Variants in NF2 observed in about 807,000 individuals in gnomAD.
NF2 encodes NF2, moesin-ezrin-radixin like (MERLIN) tumor suppressor, also known as merlin.
In NF2, 8 loss-of-function variants were observed where a neutral mutation model predicts 83.7. The observed-to-expected ratio is 0.10, with a 90% CI of 0.06 to 0.17. The LOEUF is 0.17. NF2 is among the 10% of genes least tolerant of loss of function. The pLI, the probability that NF2 is intolerant of heterozygous loss-of-function variation, is 1.00. For missense variants in NF2, 533 were observed against 744.4 expected (o/e 0.72, Z 3.31); for synonymous variants, 266 against 269.6 (o/e 0.99, Z 0.13).
At chr22:29,606,259 T>G (rs1397803864) in intron 1 of NF2, among the ~76,000 whole-genome samples, 2 of 152,208 alleles carry the variant, frequency 1.3e-5, no homozygotes, top group African/African-American at 4.8e-5. Flanking sequence ...CTGCGAAAAG[T>G]TGGAGCTCCC....
At chr22:29,688,875 C>T (rs772353099) in intron 15 of NF2, among the ~76,000 whole-genome samples, 5 of 152,198 alleles carry the variant, frequency 3.3e-5, no homozygotes, top group Non-Finnish European at 5.9e-5. Flanking sequence ...TGTCCCTAGC[C>T]AGACTGCAGA....
intron 14 of NF2, 140 bp from the exon 15 acceptor site, chr22:29,681,299 C>A: frequency 1.1e-6 from 1 of 938,222 alleles, no homozygotes; most frequent in Non-Finnish European, 1.7e-6. Flanking sequence ...CTCCCATGGC[C>A]TGTGAGTGGC....
chr22:29,634,553 C>T (rs1008017390), intron 1 of NF2, among the ~76,000 whole-genome samples: 2 of 152,204 alleles, frequency 1.3e-5, no homozygotes, highest in African/African-American at 4.8e-5. Flanking sequence ...TGCCAAAGCC[C>T]AGCCCAGCCA....
chr22:29,654,176 AT>A (rs2066233493), intron 4 of NF2, among the ~76,000 whole-genome samples: 1 of 152,142 alleles, frequency 6.6e-6, no homozygotes, highest in African/African-American at 2.4e-5. Flanking sequence ...TTTCCAAAGT[AT>A]TTTTCAGAAA....
At chr22:29,668,637 C>T (rs570265048) in intron 10 of NF2, among the ~76,000 whole-genome samples, 191 bp downstream of exon 10, 8 of 152,176 alleles carry the variant, frequency 5.3e-5, no homozygotes, top group African/African-American at 1.4e-4. Context: ...GGAATAAACC[C>T]TAATAGCATA....
intron 4 of NF2, among the ~76,000 whole-genome samples, chr22:29,643,421 GGCAGAGGACCCTGCGGACTTC>G (rs1387058088): frequency 6.6e-6 from 1 of 152,098 alleles, no homozygotes; most frequent in Non-Finnish European, 1.5e-5. Flanking sequence ...GGTTTTCCTA[GGCAGAGGACCCTGCGGACTTC>G]CGCAGCGTTT....
chr22:29,682,377 C>G (rs2067161413), intron 15 of NF2, among the ~76,000 whole-genome samples: 1 of 152,140 alleles, frequency 6.6e-6, no homozygotes, highest in Admixed American at 6.5e-5. Context: ...TTACCTCAGT[C>G]TTTAAAATAG....
chr22:29,657,587 G>A (rs2066350265), intron 6 of NF2, among the ~76,000 whole-genome samples: 1 of 152,210 alleles, frequency 6.6e-6, no homozygotes, highest in Admixed American at 6.5e-5. Context: ...AGGTCATAGG[G>A]AGACTTGAGT....
In NF2 at chr22:29,655,474, G is replaced by GTGTA. The variant is rs1302043402; in HGVS notation, c.517-119_517-116dup. On this transcript the variant is annotated intron_variant, in intron 5 of 15. Transcript: ENST00000338641. ...TCTCTCTGTGTGACTATCTCCCTGG[G>GTGTA]TGTAGCTTTTTAAAAATAGCTTTAC... 3.9e-6 allele frequency: 3 copies of GTGTA among 769,722 alleles called. No homozygotes were observed. The East Asian group carries it at 7.9e-5, about 20-fold the overall frequency. 47.7% of individuals were successfully genotyped at this position (769,722 alleles called of 1,614,324 possible).
chr22:29,691,700 G>A (rs2067409537), intron 15 of NF2, among the ~76,000 whole-genome samples: 1 of 152,214 alleles, frequency 6.6e-6, no homozygotes. Flanking sequence ...CACAGGTGAG[G>A]AGCCTGCCCA....
chr22:29,608,246 A>T (rs937830730), intron 1 of NF2, among the ~76,000 whole-genome samples: 1 of 151,302 alleles, frequency 6.6e-6, no homozygotes, highest in Non-Finnish European at 1.5e-5. Context: ...GGACTCAATA[A>T]CAGATTTGAA....
intron 1 of NF2, among the ~76,000 whole-genome samples, chr22:29,615,632 G>A (rs1226104746): frequency 1.3e-5 from 2 of 152,146 alleles, no homozygotes; most frequent in Non-Finnish European, 2.9e-5. Flanking sequence ...CTACTTGAGA[G>A]GCCAAGGTGG....
In NF2 at chr22:29,604,010, C is replaced by T. The variant is rs144477078; in HGVS notation, c.12C>T (p.Ala4=). The change falls in exon 1 of 16, where the codon GCC becomes GCT. Residue 4 remains alanine, a synonymous_variant. Transcript: ENST00000338641. The part of the protein sequence containing the change: MAG[A]IASRMSFSSL... ...CTGAGCCCCGCGCCATGGCCGGGGC[C>T]ATCGCTTCCCGCATGAGCTTCAGCT... 302 of 1,587,174 alleles carry T rather than the reference C, an allele frequency of 1.9e-4. 1 individual carries two copies. In the African/African-American group the frequency reaches 3.8e-3, roughly 20 times the overall value.
rs752220604 is a variant in NF2 at position 29,636,796 on chromosome 22, C to T, written c.160C>T (p.Leu54=). The T allele has an allele frequency of 1.2e-6, 2 of 1,614,182 alleles. No homozygotes were observed. The highest frequency in any genetic ancestry group is 2.2e-5 in the South Asian group (2 of 91,084). ...CCTCTTTGATTTGGTGTGCCGGACT[C>T]TGGGGCTCCGAGAAACCTGGTTCTT... ...KDLFDLVCRT[L]GLRETWFFGL... is the part of the protein sequence containing the mutation. The change falls in exon 2 of 16, where the codon CTG becomes TTG. Residue 54 remains leucine, a synonymous_variant. Coordinates refer to ENST00000338641, the MANE Select transcript of NF2 (RefSeq NM_000268.4). This position sits in a 1 kb window ranked among gnomAD's most constrained non-coding sequence, Gnocchi z 4.4.
chr22:29,657,129 G>A (rs2857638), intron 6 of NF2, among the ~76,000 whole-genome samples: 102,181 of 151,754 alleles, frequency 0.67, 34,573 homozygotes, highest in East Asian at 0.8. Flanking sequence ...GAAATAACCT[G>A]TGTCTCCCTA....
chr22:29,689,573 A>G (rs2067353432), intron 15 of NF2, among the ~76,000 whole-genome samples: 1 of 152,122 alleles, frequency 6.6e-6, no homozygotes, highest in African/African-American at 2.4e-5. Flanking sequence ...AAATGGGTTC[A>G]GTACTGTGAG....
chr22:29,641,180 C>CT (rs35004408), intron 3 of NF2, among the ~76,000 whole-genome samples: 1 of 68,700 alleles, frequency 1.5e-5, no homozygotes, highest in African/African-American at 4.3e-5. Context: ...GTTGCTTTTT[C>CT]CCCCCTCTCT....
intron 9 of NF2, among the ~76,000 whole-genome samples, chr22:29,665,731 G>A (rs1282012741): frequency 3.4e-5 from 5 of 149,124 alleles, no homozygotes; most frequent in East Asian, 2.0e-4. Context: ...TTGGGTGGCC[G>A]AGACGGGTGG....
chr22:29,643,914 G>C (rs552364640), intron 4 of NF2, among the ~76,000 whole-genome samples: 15 of 150,074 alleles, frequency 1.0e-4, no homozygotes, highest in African/African-American at 3.2e-4. Context: ...CTGGCCGGGC[G>C]GGGGGCTGAC....
Sources: allele counts gnomAD v4.1 joint callset (sites outside exome capture counted in the v4.1 genomes callset), GRCh38; gene constraint gnomAD v4.1.1; non-coding constraint Gnocchi (gnomAD v3.1); transcripts MANE v1.5; gene names NCBI Gene and HGNC (gene_info 2026-07-23, HGNC 2026-07-21).